The following RPS6KA5 variants were observed in gnomAD, a reference collection of about 807,000 sequenced individuals.
RPS6KA5 encodes ribosomal protein S6 kinase alpha-5.
A neutral mutation model predicts 85.5 loss-of-function variants in RPS6KA5; 27 were observed. The observed-to-expected ratio is 0.32, with a 90% confidence interval of 0.23 to 0.44. The LOEUF is 0.44. RPS6KA5 is among the 20% of genes least tolerant of loss of function. The pLI is 1.00. For synonymous variants in RPS6KA5, 334 were observed against 348.2 expected (o/e 0.96, Z 0.46); for missense variants, 811 against 980.9 (o/e 0.83, Z 2.31).
At chr14:90,927,151 T>C (rs79872870) in intron 5 of RPS6KA5, among the ~76,000 whole-genome samples, 1,855 of 152,226 alleles carry the variant, frequency 0.012, 42 homozygotes, top group African/African-American at 0.042. Context: ...ATCAGGGTAA[T>C]ATTACAGAAA....
intron 1 of RPS6KA5, among the ~76,000 whole-genome samples, chr14:91,042,039 A>G (rs2042627497): frequency 6.6e-6 from 1 of 152,244 alleles, no homozygotes; most frequent in South Asian, 2.1e-4. Flanking sequence ...TAAGCTTACT[A>G]AGAATTCTGG....
At chr14:90,996,210 T>C (rs1418873372) in intron 2 of RPS6KA5, among the ~76,000 whole-genome samples, 1 of 151,680 alleles carries the variant, frequency 6.6e-6, no homozygotes, top group African/African-American at 2.4e-5. Flanking sequence ...TTTTTGTTTT[T>C]TTTTTCAGTA....
At chr14:91,044,657 AG>A (rs568154100) in intron 1 of RPS6KA5, among the ~76,000 whole-genome samples, 1 of 152,036 alleles carries the variant, frequency 6.6e-6, no homozygotes, top group Non-Finnish European at 1.5e-5. Context: ...GTGAATCACG[AG>A]GTCAGCAGTT....
Position 90,862,083 on chromosome 14 carries a change from T to C in RPS6KA5, c.*9991A>G, listed in dbSNP as rs532363954. 9.2e-5 allele frequency: 14 copies of C among 152,178 alleles called. No homozygotes were observed. The highest frequency in any genetic ancestry group is 4.1e-4 in the South Asian group (2 of 4,820). 9.4% of individuals were successfully genotyped at this position (152,178 alleles called of 1,614,324 possible). ...GGAAACAATGGACAAAAGAAAATATTTGGTTTATCAAAAGAAGACACAATA... is the reference window on the plus strand; with the variant it reads ...GGAAACAATGGACAAAAGAAAATATCTGGTTTATCAAAAGAAGACACAATA... On this transcript the variant is annotated 3_prime_UTR_variant, in exon 17 of 17. Transcript: ENST00000614987.
Position 90,899,424 on chromosome 14 carries a change from T to C in RPS6KA5, c.1380-2A>G. Reference sequence around the variant, plus strand: ...TCCTTTTGAGTATTGGCTTCCATCCTGCAAGATGAGACACTTAGCATCCAC... The same window carrying C: ...TCCTTTTGAGTATTGGCTTCCATCCCGCAAGATGAGACACTTAGCATCCAC... On this transcript the variant is annotated splice_acceptor_variant, in intron 11 of 16. Coordinates refer to ENST00000614987, the MANE Select transcript of RPS6KA5 (RefSeq NM_004755.4). LOFTEE classifies it high-confidence loss of function. 1 of 1,607,380 alleles carries C rather than the reference T, an allele frequency of 6.2e-7. No individual in the cohort carries two copies. Among genetic ancestry groups the C allele is most frequent in the Admixed American group, 1.7e-5 (1 of 59,934 alleles).
chr14:90,878,622 C>T (rs953787301), intron 14 of RPS6KA5, among the ~76,000 whole-genome samples: 1 of 152,126 alleles, frequency 6.6e-6, no homozygotes, highest in African/African-American at 2.4e-5. Flanking sequence ...TTCCTCATTC[C>T]GCAGAAGTGG....
At chr14:90,934,660 TA>T (rs1040074672) in intron 5 of RPS6KA5, among the ~76,000 whole-genome samples, 10 of 152,080 alleles carry the variant, frequency 6.6e-5, no homozygotes, top group South Asian at 4.2e-4. Flanking sequence ...GAATCTACCT[TA>T]AAAAAAATCG....
intron 3 of RPS6KA5, among the ~76,000 whole-genome samples, chr14:90,972,268 C>T (rs1268263082): frequency 6.6e-6 from 1 of 151,968 alleles, no homozygotes; most frequent in African/African-American, 2.4e-5. Flanking sequence ...AAAGTTCATG[C>T]TGAAAAATAA....
At position 90,850,137 on chromosome 14, in the gene RPS6KA5, A is replaced by G. The variant is rs17799502; in HGVS notation, c.*21937T>C. ...ATCTGTGGGCTTTCTACAAGGGAGCAAACAACCTCAATTCTTTCCTCTGGG... is the reference window on the plus strand; with the variant it reads ...ATCTGTGGGCTTTCTACAAGGGAGCGAACAACCTCAATTCTTTCCTCTGGG... On this transcript the variant is annotated 3_prime_UTR_variant, in exon 17 of 17. Transcript: ENST00000614987. 44,797 of 152,090 alleles carry G rather than the reference A, an allele frequency of 0.29. 6,806 individuals are homozygous for G. Among genetic ancestry groups the G allele is most frequent in the African/African-American group, 0.35 (14,389 of 41,458 alleles). 9.4% of individuals were successfully genotyped at this position (152,090 alleles called of 1,614,324 possible).
At chr14:91,006,986 T>C (rs902770959) in intron 1 of RPS6KA5, among the ~76,000 whole-genome samples, 3 of 152,236 alleles carry the variant, frequency 2.0e-5, no homozygotes, top group Non-Finnish European at 4.4e-5. Context: ...ACTGCACCAA[T>C]GCAGCTTCTA....
Position 90,875,247 on chromosome 14 carries a change from T to G in RPS6KA5, c.1950A>C (p.Gly650=). The G allele has an allele frequency of 6.2e-7, 1 of 1,613,994 alleles. No homozygotes were observed. Among genetic ancestry groups the G allele is most frequent in the East Asian group, 2.2e-5 (1 of 44,870 alleles). The change falls in exon 15 of 17, where the codon GGA becomes GGC. Residue 650 remains glycine (G), a synonymous_variant. Transcript: ENST00000614987. The stretch of plus-strand genomic sequence containing the variant: ...CTTGGGATACATTCTTCCAGGCTTC[T>G]CCTTCAAAGGAGAAATCTCCCTTTT... ...KIKKGDFSFE[G]EAWKNVSQEA...
chr14:90,923,643 C>A (rs1373131307), intron 5 of RPS6KA5, among the ~76,000 whole-genome samples: 1 of 152,012 alleles, frequency 6.6e-6, no homozygotes, highest in Non-Finnish European at 1.5e-5. Context: ...CACTGGGTAA[C>A]TTGAAGGGGT....
intron 3 of RPS6KA5, among the ~76,000 whole-genome samples, chr14:90,975,376 C>T (rs143996640): frequency 4.0e-4 from 61 of 152,294 alleles, no homozygotes; most frequent in Non-Finnish European, 7.8e-4. Context: ...TGTTGAAGTC[C>T]TAGCCTCCAG....
rs1173323460 is a variant in RPS6KA5, at chr14:90,872,242, T to C, written c.2241A>G (p.Lys747=). ...GCGTCTCGGTACTGGTGCTAGTCTT[T>C]TTCATTTTTCTTCTCTTAGCCAAAG... ...KAPLAKRRKM[K]KTSTSTETRS... The change falls in exon 17 of 17, where the codon AAA becomes AAG. Residue 747 remains lysine (K), a synonymous_variant. Coordinates refer to ENST00000614987, the MANE Select transcript of RPS6KA5 (RefSeq NM_004755.4). 3 of 1,613,924 alleles carry C rather than the reference T, an allele frequency of 1.9e-6. No individual in the cohort carries two copies. In the African/African-American group the frequency reaches 4.0e-5, roughly 22 times the overall value.
In RPS6KA5 at chr14:90,860,244, G is replaced by A. The variant is rs1419356540; in HGVS notation, c.*11830C>T. 2.0e-5 allele frequency: 3 copies of A among 152,162 alleles called. No homozygotes were observed. The highest frequency in any genetic ancestry group is 6.5e-5 in the Admixed American group (1 of 15,278). The allele number at this position is 152,162 out of a possible 1,614,324, so 9.4% of individuals were successfully genotyped here. A position where few individuals can be genotyped will look rare whatever the true frequency, so the allele number is the denominator to read the frequency against. On this transcript the variant is annotated 3_prime_UTR_variant, in exon 17 of 17. Coordinates refer to ENST00000614987, the MANE Select transcript of RPS6KA5 (RefSeq NM_004755.4). ...ATTGGAATGATATCTTGAAAATGGT[G>A]AACCTAGGCTGGGCGCCAGTAGCTC...
At chr14:90,996,419 A>G (rs2040523673) in intron 2 of RPS6KA5, among the ~76,000 whole-genome samples, 1 of 152,162 alleles carries the variant, frequency 6.6e-6, no homozygotes. Flanking sequence ...TGGTGAAATT[A>G]ATCATTAATA....
At chr14:91,007,368 G>A (rs1275587890) in intron 1 of RPS6KA5, among the ~76,000 whole-genome samples, 1 of 152,164 alleles carries the variant, frequency 6.6e-6, no homozygotes, top group Non-Finnish European at 1.5e-5. Context: ...TGTTTCTGGT[G>A]TCAATTCTGA....
At position 90,855,022 on chromosome 14, in the gene RPS6KA5, T is replaced by C. The variant is rs956040336; in HGVS notation, c.*17052A>G. On this transcript the variant is annotated 3_prime_UTR_variant, in exon 17 of 17. Transcript: ENST00000614987. ...TAAAAGTCTAATCGATTTTTTTCAA[T>C]ACATTTCATCTCTTTGCTTTGCCAG... The C allele has an allele frequency of 6.6e-5, 10 of 152,348 alleles. No individual in the cohort carries two copies. Among genetic ancestry groups the C allele is most frequent in the South Asian group, 4.1e-4 (2 of 4,830 alleles). 9.4% of individuals were successfully genotyped at this position (152,348 alleles called of 1,614,324 possible).
intron 3 of RPS6KA5, among the ~76,000 whole-genome samples, chr14:90,967,016 C>A (rs576177283): frequency 6.6e-6 from 1 of 152,196 alleles, no homozygotes; most frequent in South Asian, 2.1e-4. Flanking sequence ...TATCAATAGT[C>A]CATCTTTATG....
Sources: allele counts gnomAD v4.1 joint callset (sites outside exome capture counted in the v4.1 genomes callset), GRCh38; gene constraint gnomAD v4.1.1; transcripts MANE v1.5; gene names NCBI Gene and HGNC (gene_info 2026-07-23, HGNC 2026-07-21).